EPG5: variants seen among roughly 807,000 people sequenced by gnomAD.
EPG5 encodes ectopic P granules protein 5 homolog.
Under a neutral mutation model 302.7 loss-of-function variants are expected in EPG5, and 159 were observed. That is an observed-to-expected ratio of 0.53 (90% CI 0.46 to 0.60). EPG5 has a LOEUF of 0.60. Among genes scored for constraint, EPG5 ranks in the 20% least tolerant of loss-of-function variants. EPG5 has a pLI of 0.00. For synonymous variants in EPG5, 1,158 were observed against 1,136.8 expected, an observed-to-expected ratio of 1.02 and a Z score of -0.37; for missense variants, 2,896 against 3,092.4, an observed-to-expected ratio of 0.94 and a Z score of 1.51.
Position 45,865,620 on chromosome 18 carries a change from G to A in EPG5, c.6761C>T (p.Pro2254Leu), listed in dbSNP as rs776541656. Residue 2254 changes from proline (P) to leucine (L), a missense_variant, in exon 39 of 44, where the codon CCG (proline) becomes CTG (leucine). By Grantham distance (98) the Pro-to-Leu change is moderately conservative (BLOSUM62 -3). Coordinates refer to ENST00000282041, the MANE Select transcript of EPG5 (RefSeq NM_020964.3). ...ACTTCCGACTGGTCACTTACCGGGC[G>A]GGTTAAAGACAATGATATCGTCTAA... ...KLLDDIIVFNPPDMDSQTRHM... is the reference protein window; with the variant it reads ...KLLDDIIVFNLPDMDSQTRHM... The A allele has an allele frequency of 6.1e-5, 98 of 1,613,770 alleles. No homozygotes were observed. The highest frequency in any genetic ancestry group is 1.6e-4 in the Middle Eastern group (1 of 6,074).
the EPG5 span, among the ~76,000 whole-genome samples, chr18:45,837,256 C>G: frequency 6.6e-6 from 1 of 152,170 alleles, no homozygotes; most frequent in Admixed American, 6.5e-5. Context: ...GGGAATAGTC[C>G]CAGGGAAGAG....
intron 1 of EPG5, among the ~76,000 whole-genome samples, chr18:45,965,786 G>T (rs1362191467): frequency 6.6e-6 from 1 of 152,230 alleles, no homozygotes; most frequent in Non-Finnish European, 1.5e-5. Flanking sequence ...GGGCGCGGTG[G>T]CTCACGCCTG....
chr18:45,832,824 C>T, the EPG5 span, among the ~76,000 whole-genome samples: 3 of 152,246 alleles, frequency 2.0e-5, no homozygotes, highest in South Asian at 2.1e-4. Context: ...CCAAAGCAAG[C>T]GCATTTTTTT....
At chr18:45,879,766 C>T (rs767926355) in intron 32 of EPG5, among the ~76,000 whole-genome samples, 10 of 152,198 alleles carry the variant, frequency 6.6e-5, no homozygotes, top group African/African-American at 1.2e-4. Context: ...AAACCCAGAG[C>T]TCCATGGGAC....
chr18:45,882,818 A>G (rs945140400), intron 30 of EPG5, among the ~76,000 whole-genome samples: 1 of 151,872 alleles, frequency 6.6e-6, no homozygotes, highest in Admixed American at 6.6e-5. Context: ...GACCAGCCTG[A>G]CCAACATGGA....
At chr18:45,837,717 C>G in the EPG5 span, 4 of 1,493,298 alleles carry the variant, frequency 2.7e-6, no homozygotes, top group South Asian at 3.8e-5. Context: ...CTCTGCCAGA[C>G]GGCGCTGAGC....
intron 1 of EPG5, among the ~76,000 whole-genome samples, chr18:45,962,311 TG>T (rs1472600752): frequency 6.6e-6 from 1 of 152,202 alleles, no homozygotes; most frequent in Non-Finnish European, 1.5e-5. Flanking sequence ...TGTGACCTTC[TG>T]GGACACATCT....
At chr18:45,896,963 C>G (rs2049493582) in intron 27 of EPG5, among the ~76,000 whole-genome samples, 1 of 152,220 alleles carries the variant, frequency 6.6e-6, no homozygotes. Flanking sequence ...TCCCTCCAAT[C>G]AAAATTACCT....
the EPG5 span, among the ~76,000 whole-genome samples, chr18:45,839,861 C>T: frequency 1.3e-5 from 2 of 152,164 alleles, no homozygotes; most frequent in African/African-American, 4.8e-5. Context: ...CCCCCAGGTC[C>T]ATAGCACTAG....
At position 45,916,110 on chromosome 18, in the gene EPG5, G is replaced by A. The variant is rs587776940; in HGVS notation, c.3481C>T (p.Arg1161Ter). 13 of 1,614,088 alleles carry A rather than the reference G, an allele frequency of 8.1e-6. No homozygotes were observed. The highest frequency in any genetic ancestry group is 1.1e-5 in the Non-Finnish European group (13 of 1,180,002). ...ATGAGGAAGAGGATAGGTTGTTCTC[G>A]GTACCAGAGATGCTGGCTTATGAGA... Reference protein sequence around the residue: ...QALISQHLWYREQPILFLMDH... With the variant: ...QALISQHLWY The change falls in exon 19 of 44, where the codon CGA (arginine) becomes TGA (stop). Residue 1161 changes from arginine (R) to a stop codon, truncating the protein, a stop_gained. Coordinates refer to ENST00000282041, the MANE Select transcript of EPG5 (RefSeq NM_020964.3). LOFTEE classifies it high-confidence loss of function.
At chr18:45,808,660 T>C in the EPG5 span, among the ~76,000 whole-genome samples, 1 of 152,084 alleles carries the variant, frequency 6.6e-6, no homozygotes, top group Non-Finnish European at 1.5e-5. Flanking sequence ...ATAGTCTTTT[T>C]CAAACAAATA....
At chr18:45,829,139 C>G in the EPG5 span, 44 of 985,378 alleles carry the variant, frequency 4.5e-5, no homozygotes, top group Non-Finnish European at 5.2e-5. Flanking sequence ...GGGCACAGGC[C>G]CCACAGCAGG....
At chr18:45,889,338 C>A (rs536824110) in intron 28 of EPG5, among the ~76,000 whole-genome samples, 50 of 152,314 alleles carry the variant, frequency 3.3e-4, no homozygotes, top group African/African-American at 1.1e-3. Context: ...CCTAATTCCC[C>A]TAAATAATTG....
downstream of EPG5, among the ~76,000 whole-genome samples, chr18:45,844,908 T>C (rs1221004276): frequency 2.0e-5 from 3 of 152,128 alleles, no homozygotes; most frequent in South Asian, 2.1e-4. Context: ...CCAAGAAAAA[T>C]TGCAATAGGA....
chr18:45,913,477 C>G (rs528782655), intron 21 of EPG5, among the ~76,000 whole-genome samples: 1 of 152,318 alleles, frequency 6.6e-6, no homozygotes, highest in Non-Finnish European at 1.5e-5. Context: ...CAACACCCGT[C>G]ACATGTGCAA....
At chr18:45,830,587 T>C in the EPG5 span, among the ~76,000 whole-genome samples, 2 of 127,608 alleles carry the variant, frequency 1.6e-5, no homozygotes, top group Non-Finnish European at 3.4e-5. Context: ...TTCTTTCTTT[T>C]TTTTTTTTTT....
chr18:45,935,243 G>C (rs2050493455), intron 10 of EPG5, among the ~76,000 whole-genome samples: 1 of 152,092 alleles, frequency 6.6e-6, no homozygotes, highest in African/African-American at 2.4e-5. Context: ...CAAAAACCAA[G>C]ACAATAATTA....
At chr18:45,857,816 T>C (rs1412333144) in intron 42 of EPG5, 37 bp downstream of exon 42, 1 of 1,572,312 alleles carries the variant, frequency 6.4e-7, no homozygotes, top group Non-Finnish European at 8.7e-7. Flanking sequence ...GTCTGAGGCC[T>C]ATTTAGAACA....
At chr18:45,872,597 G>A (rs774398068) in intron 35 of EPG5, among the ~76,000 whole-genome samples, 13 of 152,012 alleles carry the variant, frequency 8.6e-5, no homozygotes, top group Non-Finnish European at 1.5e-4. Context: ...CCAGCTACTC[G>A]GGAGGCTGAG....
Sources: gnomAD v4.1 joint callset for allele counts (sites outside exome capture counted in the v4.1 genomes callset) on GRCh38, gnomAD v4.1.1 for gene constraint, MANE v1.5 for transcripts, NCBI Gene and HGNC (gene_info 2026-07-23, HGNC 2026-07-21) for gene names.